Variants in DLG2 observed in about 807,000 individuals in gnomAD.
DLG2 encodes the protein disks large homolog 2.
In DLG2, 45 loss-of-function variants were observed where a neutral mutation model predicts 132.5. The ratio of observed to expected loss-of-function variants is 0.34; its 90% CI spans 0.27 to 0.44. The LOEUF is 0.44. Among genes scored for constraint, DLG2 ranks in the 20% least tolerant of loss-of-function variants. DLG2 has a pLI of 1.00. For missense variants in DLG2, 1,045 were observed against 1,196.9 expected (o/e 0.87, Z 1.87); for synonymous variants, 424 against 419.6 (o/e 1.01, Z -0.13).
chr11:83,499,422 G>A (rs189912280), intron 21 of DLG2, among the ~76,000 whole-genome samples: 1 of 152,086 alleles, frequency 6.6e-6, no homozygotes, highest in East Asian at 1.9e-4. Flanking sequence ...ATTTTCTTGG[G>A]ATAGATTTCT....
At chr11:84,267,866 A>G (rs956632931) in intron 7 of DLG2, among the ~76,000 whole-genome samples, 2 of 152,234 alleles carry the variant, frequency 1.3e-5, no homozygotes, top group Non-Finnish European at 2.9e-5. Context: ...CATAGCAGGG[A>G]CAATTAAGCC....
chr11:84,731,077 G>T (rs1433042873), intron 6 of DLG2, among the ~76,000 whole-genome samples: 5 of 151,976 alleles, frequency 3.3e-5, no homozygotes, highest in Admixed American at 3.3e-4. Context: ...TTGGTACAGT[G>T]TGTGAGTTAG....
At chr11:84,315,622 T>A (rs188723721) in intron 7 of DLG2, among the ~76,000 whole-genome samples, 1 of 152,320 alleles carries the variant, frequency 6.6e-6, no homozygotes, top group Admixed American at 6.5e-5. Flanking sequence ...AAATGTCAAC[T>A]TCTATTTTAA....
At chr11:83,563,233 T>C (rs1396110624) in intron 19 of DLG2, among the ~76,000 whole-genome samples, 1 of 152,142 alleles carries the variant, frequency 6.6e-6, no homozygotes, top group Non-Finnish European at 1.5e-5. Flanking sequence ...CGCCTCGGCC[T>C]CCCAAAGTGC....
intron 9 of DLG2, among the ~76,000 whole-genome samples, chr11:84,148,904 A>C (rs2095190825): frequency 6.6e-6 from 1 of 152,104 alleles, no homozygotes; most frequent in African/African-American, 2.4e-5. Context: ...TATTATCAAA[A>C]GCCATTCTAA....
intron 9 of DLG2, among the ~76,000 whole-genome samples, chr11:84,122,014 C>T (rs2093946604): frequency 6.6e-6 from 1 of 151,872 alleles, no homozygotes; most frequent in Non-Finnish European, 1.5e-5. Flanking sequence ...CAAATTAAAA[C>T]AATCAGTGGT....
intron 3 of DLG2, chr11:85,286,178 C>A (rs1228788957): frequency 2.4e-6 from 1 of 421,690 alleles, no homozygotes; most frequent in Admixed American, 3.0e-5. Context: ...AGTTGGTAAA[C>A]TTGTGTCCTG....
At chr11:84,379,375 TA>T (rs566203146) in intron 7 of DLG2, among the ~76,000 whole-genome samples, 1 of 151,220 alleles carries the variant, frequency 6.6e-6, no homozygotes, top group East Asian at 2.0e-4. Context: ...TTCCAGAAAT[TA>T]AAAAAAAGTA....
intron 18 of DLG2, among the ~76,000 whole-genome samples, chr11:83,783,295 TA>T (rs2094912196): frequency 6.6e-6 from 1 of 152,150 alleles, no homozygotes; most frequent in African/African-American, 2.4e-5. Flanking sequence ...CAGAAGTGAG[TA>T]AAATTGTGAT....
intron 6 of DLG2, among the ~76,000 whole-genome samples, chr11:85,075,167 C>A (rs1823777): frequency 0.24 from 36,560 of 151,748 alleles, 4,655 homozygotes; most frequent in Middle Eastern, 0.29. Context: ...AGCATAAAAT[C>A]GTGGTGCATA....
At chr11:84,619,251 T>G (rs984241709) in intron 6 of DLG2, among the ~76,000 whole-genome samples, 13 of 151,898 alleles carry the variant, frequency 8.6e-5, no homozygotes, top group African/African-American at 3.1e-4. Context: ...AAATTTTAAA[T>G]AACCTGGCTC....
chr11:85,322,094 A>C (rs1376988446), intron 3 of DLG2, among the ~76,000 whole-genome samples: 1 of 152,032 alleles, frequency 6.6e-6, no homozygotes, highest in African/African-American at 2.4e-5. Flanking sequence ...AAACCTTATC[A>C]TCACTCCAAA....
At chr11:84,373,249 C>CAAAAAAAAAAACAAAAAAAAAAAAAAAA (rs1459550146) in intron 7 of DLG2, among the ~76,000 whole-genome samples, 9 of 41,662 alleles carry the variant, frequency 2.2e-4, no homozygotes, top group African/African-American at 1.1e-3. Context: ...AAGAAACAGT[C>CAAAAAAAAAAACAAAAAAAAAAAAAAAA]AAAAAAAAAA....
chr11:84,603,142 G>C (rs964927572), intron 6 of DLG2, among the ~76,000 whole-genome samples: 4 of 151,832 alleles, frequency 2.6e-5, no homozygotes, highest in Admixed American at 6.6e-5. Context: ...CTCTGTTCAT[G>C]GTTCTCCTAG....
At chr11:83,478,687 C>T (rs1001665541) in intron 22 of DLG2, among the ~76,000 whole-genome samples, 16 of 151,924 alleles carry the variant, frequency 1.1e-4, no homozygotes, top group African/African-American at 3.6e-4. Flanking sequence ...TATATATTTT[C>T]CATTAAAAGA....
chr11:84,451,414 TTTTTTC>T (rs1282676098), intron 7 of DLG2, among the ~76,000 whole-genome samples: 1 of 151,866 alleles, frequency 6.6e-6, no homozygotes, highest in Non-Finnish European at 1.5e-5. Context: ...AATTATTTTA[TTTTTTC>T]TAATTCATTG....
chr11:84,622,816 T>C (rs1383568909), intron 6 of DLG2, among the ~76,000 whole-genome samples: 1 of 152,148 alleles, frequency 6.6e-6, no homozygotes, highest in East Asian at 1.9e-4. Context: ...ATGGAAAGCT[T>C]TGAATGCCAT....
intron 6 of DLG2, among the ~76,000 whole-genome samples, chr11:84,830,966 C>CCA (rs5793139): frequency 7.1e-5 from 8 of 113,210 alleles, no homozygotes; most frequent in African/African-American, 1.0e-4. Flanking sequence ...CCACCCCCCC[C>CCA]AGCTCTGTCT....
At chr11:84,850,001 A>G (rs2081988178) in intron 6 of DLG2, among the ~76,000 whole-genome samples, 1 of 152,110 alleles carries the variant, frequency 6.6e-6, no homozygotes, top group Admixed American at 6.6e-5. Context: ...CTTTTACAAA[A>G]TATTCCATTT....
Sources: gnomAD v4.1 joint callset for allele counts (sites outside exome capture counted in the v4.1 genomes callset) on GRCh38, gnomAD v4.1.1 for gene constraint, MANE v1.5 for transcripts, NCBI Gene and HGNC (gene_info 2026-07-23, HGNC 2026-07-21) for gene names.